The following C21orf91 variants were observed in gnomAD, a reference collection of about 807,000 sequenced individuals.
C21orf91 encodes the protein chromosome 21 open reading frame 91.
In C21orf91, 26 loss-of-function variants were observed where a neutral mutation model predicts 32.9. The ratio of observed to expected loss-of-function variants is 0.79; its 90% CI spans 0.58 to 1.10. C21orf91 has a LOEUF of 1.10. Ranked by LOEUF, C21orf91 falls within the 50% of genes least tolerant of loss-of-function variation. The pLI is 0.00. For missense variants in C21orf91, 310 were observed against 341.3 expected, an observed-to-expected ratio of 0.91 and a Z score of 0.72; for synonymous variants, 126 against 120.4, an observed-to-expected ratio of 1.05 and a Z score of -0.31.
At position 17,791,903 on chromosome 21, in the gene C21orf91, C is replaced by T. The variant is rs954449048; in HGVS notation, c.*1512G>A. On this transcript the variant is annotated 3_prime_UTR_variant, in exon 5 of 5. Transcript: ENST00000284881. ...TTAATACCCTCAGGCCAATTTAACA[C>T]GTCAGCATTACAAAAAGTTGTTTTC... The T allele has an allele frequency of 6.6e-6, 1 of 152,086 alleles. No homozygotes were observed. The highest frequency in any genetic ancestry group is 1.5e-5 in the Non-Finnish European group (1 of 67,970). 9.4% of individuals were successfully genotyped at this position (152,086 alleles called of 1,614,324 possible).
Position 17,796,893 on chromosome 21 carries a change from T to C in C21orf91, c.353A>G (p.His118Arg), listed in dbSNP as rs1412570720. ...SDSECSKNPQ[H>R]HLFNFRHKPE... ...CTTATGCCTGAAATTAAACAGATGA[T>C]GCTGGGGGTTTTTAGAACATTCAGA... Residue 118 changes from histidine (H) to arginine (R), a missense_variant, in exon 3 of 5, where the codon CAT becomes CGT. Coordinates refer to ENST00000284881, the MANE Select transcript of C21orf91 (RefSeq NM_001100420.2). The C allele has an allele frequency of 6.2e-7, 1 of 1,613,738 alleles. No homozygotes were observed. The highest frequency in any genetic ancestry group is 1.1e-5 in the South Asian group (1 of 91,086).
chr21:17,818,325 C>T lies in C21orf91; in HGVS notation c.-7G>A. Reference sequence around the variant, plus strand: ...ACTGCTCCTCTTCGTTCATAGTGCCCCTATTAAGAAACAGAAAAGGAAAGT... The same window carrying T: ...ACTGCTCCTCTTCGTTCATAGTGCCTCTATTAAGAAACAGAAAAGGAAAGT... On this transcript the variant is annotated splice_region_variant and 5_prime_UTR_variant, in exon 2 of 5. Transcript: ENST00000284881. 6.3e-7 allele frequency: 1 copy of T among 1,598,698 alleles called. No individual in the cohort carries two copies. Among genetic ancestry groups the T allele is most frequent in the Non-Finnish European group, 8.5e-7 (1 of 1,172,264 alleles).
rs1048674636 is a variant in C21orf91, at chr21:17,818,102, A to G, written c.127+90T>C. The G allele has an allele frequency of 3.5e-6, 3 of 867,298 alleles. No individual in the cohort carries two copies. In the African/African-American group the frequency reaches 5.1e-5, roughly 15 times the overall value. 53.7% of individuals were successfully genotyped at this position (867,298 alleles called of 1,614,324 possible). ...TTCATACTTAGCACAATTTCCAATCATTGAAGACATTTTAGTTTTACCTTA... is the reference window on the plus strand; with the variant it reads ...TTCATACTTAGCACAATTTCCAATCGTTGAAGACATTTTAGTTTTACCTTA... On this transcript the variant is annotated intron_variant, in intron 2 of 4. Transcript: ENST00000284881.
In C21orf91 at chr21:17,797,135, G is replaced by A; in HGVS notation, c.128-17C>T. 6.6e-7 allele frequency: 1 copy of A among 1,522,214 alleles called. No individual in the cohort carries two copies. The highest frequency in any genetic ancestry group is 2.3e-5 in the East Asian group (1 of 44,228). The allele number at this position is 1,522,214 out of a possible 1,614,324, so 94.3% of individuals were successfully genotyped here. ...TTGGTACCCCTATGGAAAAAAAAGA[G>A]AAACAAAAGACTTGAGAAATTTTGT... On this transcript the variant is annotated splice_polypyrimidine_tract_variant and intron_variant, in intron 2 of 4. Transcript: ENST00000284881.
Position 17,797,087 on chromosome 21 carries a change from T to C in C21orf91, c.159A>G (p.Lys53=). 6.2e-7 allele frequency: 1 copy of C among 1,607,338 alleles called. No homozygotes were observed. The highest frequency in any genetic ancestry group is 8.5e-7 in the Non-Finnish European group (1 of 1,176,896). Residue 53 remains lysine (K), a synonymous_variant, in exon 3 of 5, where the codon AAA becomes AAG. Coordinates refer to ENST00000284881, the MANE Select transcript of C21orf91 (RefSeq NM_001100420.2). ...AGCAGTCTTTATGGCCCCTTAATGA[T>C]TTGGTGTGCAAGAGATCAGACTTTG... is the stretch of plus-strand genomic sequence containing the variant. The part of the protein sequence containing the change: ...GVPKSDLLHT[K]SLRGHKDCFE...
At chr21:17,802,801 ATTC>A (rs1330652255) in intron 2 of C21orf91, among the ~76,000 whole-genome samples, 1 of 152,216 alleles carries the variant, frequency 6.6e-6, no homozygotes, top group Non-Finnish European at 1.5e-5. Context: ...TACTTCACAC[ATTC>A]TTGAATCATG....
Position 17,796,951 on chromosome 21 carries a change from G to T in C21orf91, c.295C>A (p.Gln99Lys). ...ILSKKINWIVQYAQNKDLDSD... is the reference protein window; with the variant it reads ...ILSKKINWIVKYAQNKDLDSD... ...TCCAGATCCTTATTTTGTGCATACTGCACAATCCAGTTTATCTTCTTACTC... is the reference window on the plus strand; with the variant it reads ...TCCAGATCCTTATTTTGTGCATACTTCACAATCCAGTTTATCTTCTTACTC... Residue 99 changes from glutamine to lysine, a missense_variant, in exon 3 of 5, where the codon CAG (glutamine) becomes AAG (lysine). Transcript: ENST00000284881. 1.9e-6 allele frequency: 3 copies of T among 1,613,394 alleles called. No homozygotes were observed. In the South Asian group the frequency reaches 3.3e-5, roughly 18 times the overall value.
chr21:17,804,793 G>C (rs1385892046), intron 2 of C21orf91, among the ~76,000 whole-genome samples: 1 of 152,182 alleles, frequency 6.6e-6, no homozygotes, highest in African/African-American at 2.4e-5. Context: ...AGTTCAGAGA[G>C]ACAATGATAA....
In C21orf91 at chr21:17,797,057, T is replaced by G; in HGVS notation, c.189A>C (p.Glu63Asp). ...KSLRGHKDCF[E>D]KYHLIANQGC... is the part of the protein sequence containing the mutation. ...CCTGGTTTGCAATTAAATGGTATTTTTCAAAGCAGTCTTTATGGCCCCTTA... is the reference window on the plus strand; with the variant it reads ...CCTGGTTTGCAATTAAATGGTATTTGTCAAAGCAGTCTTTATGGCCCCTTA... Residue 63 changes from glutamate (E) to aspartate (D), a missense_variant, in exon 3 of 5, where the codon GAA (glutamate) becomes GAC (aspartate). Coordinates refer to ENST00000284881, the MANE Select transcript of C21orf91 (RefSeq NM_001100420.2). 1.2e-6 allele frequency: 2 copies of G among 1,611,802 alleles called. No individual in the cohort carries two copies. Among genetic ancestry groups the G allele is most frequent in the Non-Finnish European group, 1.7e-6 (2 of 1,178,114 alleles).
Position 17,793,593 on chromosome 21 carries a change from T to A in C21orf91, c.728-12A>T. Reference sequence around the variant, plus strand: ...CTCTTCAAAAACTTCTGTAAAAGATTTAAAAACTTTCATTTTTAGTATGCA... The same window carrying A: ...CTCTTCAAAAACTTCTGTAAAAGATATAAAAACTTTCATTTTTAGTATGCA... On this transcript the variant is annotated splice_polypyrimidine_tract_variant and intron_variant, in intron 4 of 4. Transcript: ENST00000284881. The A allele has an allele frequency of 6.3e-7, 1 of 1,582,988 alleles. No homozygotes were observed. The highest frequency in any genetic ancestry group is 1.7e-4 in the Middle Eastern group (1 of 5,920).
intron 2 of C21orf91, among the ~76,000 whole-genome samples, chr21:17,816,679 A>C (rs1011064096): frequency 2.0e-5 from 3 of 152,238 alleles, no homozygotes; most frequent in Non-Finnish European, 4.4e-5. Flanking sequence ...AGTCATTCCA[A>C]AGCTATCTTG....
chr21:17,799,086 T>C (rs939583755), intron 2 of C21orf91, among the ~76,000 whole-genome samples: 1 of 152,198 alleles, frequency 6.6e-6, no homozygotes, highest in African/African-American at 2.4e-5. Context: ...TTCTTTAGCA[T>C]ATAAAAAAGG....
intron 4 of C21orf91, among the ~76,000 whole-genome samples, chr21:17,794,102 T>C (rs756166699): frequency 3.2e-4 from 48 of 152,310 alleles, no homozygotes; most frequent in Non-Finnish European, 6.5e-4. Context: ...CTGTAAAAAT[T>C]AAATGAGATC....
intron 2 of C21orf91, among the ~76,000 whole-genome samples, chr21:17,814,452 T>C (rs763064047): frequency 3.6e-4 from 55 of 152,318 alleles, no homozygotes; most frequent in Non-Finnish European, 6.9e-4. Flanking sequence ...AATTAGTCCA[T>C]TCTTGCACTG....
At chr21:17,815,078 T>C (rs2062656650) in intron 2 of C21orf91, among the ~76,000 whole-genome samples, 2 of 152,178 alleles carry the variant, frequency 1.3e-5, no homozygotes, top group Admixed American at 6.5e-5. Context: ...CAAGATTAGA[T>C]TGTCTTTTGT....
rs1168121490 is a variant in C21orf91 at position 17,789,456 on chromosome 21, A to G, written c.*3959T>C. On this transcript the variant is annotated 3_prime_UTR_variant, in exon 5 of 5. Coordinates refer to ENST00000284881, the MANE Select transcript of C21orf91 (RefSeq NM_001100420.2). ...TGAGGGAAGTTCAACTAATCTTTAA[A>G]CCTTTTTTGGGAGAGGGCAATACTC... 1 of 152,026 alleles carries G rather than the reference A, an allele frequency of 6.6e-6. No homozygotes were observed. Among genetic ancestry groups the G allele is most frequent in the African/African-American group, 2.4e-5 (1 of 41,400 alleles). The allele number at this position is 152,026 out of a possible 1,614,324, so 9.4% of individuals were successfully genotyped here. A position where few individuals can be genotyped will look rare whatever the true frequency, so the allele number is the denominator to read the frequency against.
intron 3 of C21orf91, among the ~76,000 whole-genome samples, chr21:17,795,687 G>A (rs1175038451): frequency 6.6e-6 from 1 of 151,982 alleles, no homozygotes; most frequent in South Asian, 2.1e-4. Flanking sequence ...TGTCTAGGCT[G>A]GTCTTGAACT....
At position 17,796,822 on chromosome 21, in the gene C21orf91, A is replaced by G; in HGVS notation, c.424T>C (p.Tyr142His). 1 of 1,613,954 alleles carries G rather than the reference A, an allele frequency of 6.2e-7. No homozygotes were observed. The highest frequency in any genetic ancestry group is 8.5e-7 in the Non-Finnish European group (1 of 1,179,872). Residue 142 changes from tyrosine (Y) to histidine (H), a missense_variant, in exon 3 of 5, where the codon TAT (tyrosine) becomes CAT (histidine). Physicochemically the swap from Tyr to His is moderately conservative, Grantham distance 83. Coordinates refer to ENST00000284881, the MANE Select transcript of C21orf91 (RefSeq NM_001100420.2). ...CTTCCATCTATCCATTTTGCAGAAT[A>G]TTTTGGTACTTGGGAGTCAAACTGT... ...LPQFDSQVPK[Y>H]SAKWIDGSAG...
At chr21:17,795,749 A>C (rs2062512560) in intron 3 of C21orf91, among the ~76,000 whole-genome samples, 1 of 149,066 alleles carries the variant, frequency 6.7e-6, no homozygotes, top group Non-Finnish European at 1.5e-5. Context: ...CTGGGATTAT[A>C]GGTGTGAGCC....
Sources: allele counts gnomAD v4.1 joint callset (sites outside exome capture counted in the v4.1 genomes callset), GRCh38; gene constraint gnomAD v4.1.1; transcripts MANE v1.5; gene names NCBI Gene and HGNC (gene_info 2026-07-23, HGNC 2026-07-21).